Variants in COG6 observed in about 807,000 individuals in gnomAD.
The protein encoded by COG6 is conserved oligomeric Golgi complex subunit 6.
In COG6, 74 loss-of-function variants were observed where a neutral mutation model predicts 88.8. The observed-to-expected ratio is 0.83, with a 90% CI of 0.69 to 1.01. The LOEUF (loss-of-function observed/expected upper bound fraction) is 1.01, where lower values mean the gene tolerates loss of function less well. Ranked by LOEUF, COG6 falls within the 50% of genes least tolerant of loss-of-function variation. The pLI, the probability that COG6 is intolerant of heterozygous loss-of-function variation, is 0.00. For missense variants in COG6, 800 were observed against 797.9 expected (o/e 1.00, Z -0.03); for synonymous variants, 286 against 278.7 (o/e 1.03, Z -0.26).
At chr13:39,760,636 G>T (rs1370555312) in intron 18 of COG6, among the ~76,000 whole-genome samples, 1 of 152,022 alleles carries the variant, frequency 6.6e-6, no homozygotes, top group East Asian at 1.9e-4. Flanking sequence ...ACCAAAAAAT[G>T]TGCAAACACA....
chr13:39,698,026 G>T (rs1012420004), intron 12 of COG6, among the ~76,000 whole-genome samples: 31 of 151,990 alleles, frequency 2.0e-4, no homozygotes, highest in African/African-American at 7.2e-4. Context: ...CAAGTAATGG[G>T]AGTATAGGCA....
At chr13:39,711,890 C>T (rs146028609) in intron 13 of COG6, among the ~76,000 whole-genome samples, 2 of 152,256 alleles carry the variant, frequency 1.3e-5, no homozygotes, top group East Asian at 1.9e-4. Context: ...GATTGAGTCT[C>T]GCTCTGTGGC....
chr13:39,719,595 A>G (rs1878736326), intron 14 of COG6, 65 bp from the exon 15 acceptor site: 7 of 1,467,402 alleles, frequency 4.8e-6, no homozygotes, highest in African/African-American at 1.4e-5. Context: ...GGCATTAAAT[A>G]TCATTAACCC....
intron 4 of COG6, among the ~76,000 whole-genome samples, chr13:39,675,006 G>A (rs1184324190): frequency 6.6e-6 from 1 of 152,062 alleles, no homozygotes. Context: ...CCTATAAAAT[G>A]CCTTATGGAT....
chr13:39,671,912 T>G (rs2137970640), intron 4 of COG6, among the ~76,000 whole-genome samples: 1 of 152,134 alleles, frequency 6.6e-6, no homozygotes. Flanking sequence ...TTTTCTGCCC[T>G]ATGATTTCTC....
intron 18 of COG6, among the ~76,000 whole-genome samples, chr13:39,766,998 G>A (rs1034411282): frequency 1.3e-5 from 2 of 152,148 alleles, no homozygotes; most frequent in Non-Finnish European, 2.9e-5. Context: ...CTCTAATGTT[G>A]ACTTGACATG....
chr13:39,751,123 T>C lies in COG6; in HGVS notation c.*30T>C. On this transcript the variant is annotated 3_prime_UTR_variant, in exon 19 of 19. Coordinates refer to ENST00000455146, the MANE Select transcript of COG6 (RefSeq NM_020751.3). ...CTTATTTCATTGTGTTAGCAAAATATGACCTCCCTAAAACACTGAAGGTTA... is the reference window on the plus strand; with the variant it reads ...CTTATTTCATTGTGTTAGCAAAATACGACCTCCCTAAAACACTGAAGGTTA... The C allele has an allele frequency of 6.2e-7, 1 of 1,612,438 alleles. No individual in the cohort carries two copies. The highest frequency in any genetic ancestry group is 8.5e-7 in the Non-Finnish European group (1 of 1,178,994).
At chr13:39,704,225 A>G (rs1194394765) in intron 13 of COG6, among the ~76,000 whole-genome samples, 1 of 152,154 alleles carries the variant, frequency 6.6e-6, no homozygotes, top group Non-Finnish European at 1.5e-5. Flanking sequence ...AAAACAGGAA[A>G]ACATACAGTT....
intron 11 of COG6, among the ~76,000 whole-genome samples, chr13:39,692,368 TTC>T (rs1225709202): frequency 1.3e-5 from 2 of 152,008 alleles, no homozygotes; most frequent in African/African-American, 4.8e-5. Flanking sequence ...CATTTGAATT[TTC>T]TCTTTTAATA....
chr13:39,689,208 T>C (rs985596423), intron 10 of COG6, among the ~76,000 whole-genome samples: 5 of 152,214 alleles, frequency 3.3e-5, no homozygotes, highest in Non-Finnish European at 7.3e-5. Context: ...ACTTCAATCT[T>C]CTGGGCCTCA....
chr13:39,781,225 G>T (rs1881618924), intron 18 of COG6, among the ~76,000 whole-genome samples: 1 of 152,126 alleles, frequency 6.6e-6, no homozygotes, highest in Non-Finnish European at 1.5e-5. Flanking sequence ...GGTGAGAGCT[G>T]CTACCCACAT....
At chr13:39,682,588 A>G (rs1222793340) in intron 8 of COG6, 2 of 274,426 alleles carry the variant, frequency 7.3e-6, no homozygotes, top group Non-Finnish European at 1.4e-5. Context: ...TCCTGTATGA[A>G]TACTTCCCTA....
At chr13:39,684,398 C>T (rs372075269) in intron 8 of COG6, among the ~76,000 whole-genome samples, 1 of 150,702 alleles carries the variant, frequency 6.6e-6, no homozygotes, top group South Asian at 2.1e-4. Context: ...TACAGGCGCC[C>T]GCCACCTCGC....
At chr13:39,788,511 T>C (rs1346786278) in exon 19 of COG6, 2 of 679,038 alleles carry the variant, frequency 2.9e-6, no homozygotes, top group Non-Finnish European at 5.1e-6. Flanking sequence ...CTTCATCTGG[T>C]GGAAATGCTG....
At chr13:39,710,839 C>A (rs970108140) in intron 13 of COG6, among the ~76,000 whole-genome samples, 1 of 29,458 alleles carries the variant, frequency 3.4e-5, no homozygotes, top group African/African-American at 1.3e-4. Context: ...TTAGCTGGTT[C>A]TTTTCTTTTT....
intron 12 of COG6, among the ~76,000 whole-genome samples, chr13:39,696,096 T>G (rs1268057652): frequency 2.0e-5 from 3 of 151,984 alleles, no homozygotes; most frequent in African/African-American, 7.2e-5. Context: ...ATAGGTTTTT[T>G]TAGGCTCTGA....
intron 18 of COG6, among the ~76,000 whole-genome samples, chr13:39,736,784 T>G (rs1041649690): frequency 6.6e-6 from 1 of 152,228 alleles, no homozygotes; most frequent in Non-Finnish European, 1.5e-5. Context: ...TTTCTCTGTC[T>G]GAAAGGTCAC....
chr13:39,669,869 C>T (rs1212270258), intron 4 of COG6, among the ~76,000 whole-genome samples: 1 of 151,918 alleles, frequency 6.6e-6, no homozygotes, highest in Non-Finnish European at 1.5e-5. Flanking sequence ...GCCAAGTGAA[C>T]GTTTGTGTGA....
chr13:39,677,204 T>C (rs1876024769), intron 4 of COG6, among the ~76,000 whole-genome samples: 1 of 152,186 alleles, frequency 6.6e-6, no homozygotes, highest in African/African-American at 2.4e-5. Flanking sequence ...GCAGGGACCA[T>C]GCATGGACTT....
Sources: allele counts gnomAD v4.1 joint callset (sites outside exome capture counted in the v4.1 genomes callset), GRCh38; gene constraint gnomAD v4.1.1; transcripts MANE v1.5; gene names NCBI Gene and HGNC (gene_info 2026-07-23, HGNC 2026-07-21).